The following ARHGAP35 variants were observed in gnomAD, a reference collection of about 807,000 sequenced individuals.
ARHGAP35 encodes the protein rho GTPase-activating protein 35.
Under a neutral mutation model 111.1 loss-of-function variants are expected in ARHGAP35, and 15 were observed. The observed-to-expected ratio is 0.13, with a 90% CI of 0.09 to 0.21. The LOEUF (loss-of-function observed/expected upper bound fraction) is 0.21, where lower values mean the gene tolerates loss of function less well. ARHGAP35 is among the 10% of genes least tolerant of loss of function. The pLI, the probability that ARHGAP35 is intolerant of heterozygous loss-of-function variation, is 1.00. For missense variants in ARHGAP35, 1,262 were observed against 1,873.0 expected (o/e 0.67, Z 6.02); for synonymous variants, 643 against 710.3 (o/e 0.91, Z 1.51).
At position 47,000,337 on chromosome 19, in the gene ARHGAP35, C is replaced by T; in HGVS notation, c.4149C>T (p.Ser1383=). The T allele has an allele frequency of 3.1e-6, 5 of 1,613,628 alleles. No homozygotes were observed. The highest frequency in any genetic ancestry group is 4.2e-6 in the Non-Finnish European group (5 of 1,179,716). Residue 1383 remains serine, a synonymous_variant, in exon 7 of 7, where the codon AGC becomes AGT. Transcript: ENST00000672722. The surrounding 1 kb of genome is among the most constrained non-coding windows in gnomAD (Gnocchi z 6.9). The part of the protein sequence containing the change: ...KYVISHLNKV[S]HNNKVNLMTS... ...AGTTTGGTGTCGCCCGCAGGGTCAG[C>T]CACAACAACAAGGTGAATCTCATGA...
At chr19:46,959,930 T>A (rs2056468037) in intron 3 of ARHGAP35, among the ~76,000 whole-genome samples, 2 of 150,314 alleles carry the variant, frequency 1.3e-5, no homozygotes, top group South Asian at 4.2e-4. Flanking sequence ...AGACCTTGCC[T>A]CTACAAAAAA....
intron 1 of ARHGAP35, among the ~76,000 whole-genome samples, chr19:46,900,835 C>T (rs973017516): frequency 3.9e-5 from 6 of 152,188 alleles, no homozygotes; most frequent in African/African-American, 1.4e-4. Flanking sequence ...AATGCTGTCC[C>T]CCAGATGCCC....
Position 46,884,641 on chromosome 19 carries a change from C to T in ARHGAP35, c.-189+23432C>T, listed in dbSNP as rs181388775. On this transcript the variant is annotated intron_variant, in intron 1 of 6. Coordinates refer to ENST00000672722, the MANE Select transcript of ARHGAP35 (RefSeq NM_004491.5). ...TGTCCCTAATAGCTAGGACTACAGGCATGTGCCACCATGTTGTATTTTTTT... is the reference window on the plus strand; with the variant it reads ...TGTCCCTAATAGCTAGGACTACAGGTATGTGCCACCATGTTGTATTTTTTT... Among the ~76,000 whole-genome samples the T allele has an allele frequency of 1.5e-3, 230 of 151,994 alleles. 1 individual carries two copies. The highest frequency in any genetic ancestry group is 5.3e-3 in the African/African-American group (218 of 41,472).
intron 2 of ARHGAP35, among the ~76,000 whole-genome samples, chr19:46,935,429 T>C (rs922209617): frequency 7.2e-5 from 11 of 152,176 alleles, no homozygotes; most frequent in Admixed American, 3.3e-4. Context: ...GATCTGTTCT[T>C]TTTTTTTCTT....
At chr19:46,909,655 G>A (rs1269300771) in intron 1 of ARHGAP35, among the ~76,000 whole-genome samples, 2 of 152,172 alleles carry the variant, frequency 1.3e-5, no homozygotes, top group East Asian at 3.8e-4. Context: ...GTAAGTGTAT[G>A]TAGCCTATAC....
intron 5 of ARHGAP35, among the ~76,000 whole-genome samples, chr19:46,998,369 C>T (rs2056726959): frequency 6.6e-6 from 1 of 152,170 alleles, no homozygotes; most frequent in Non-Finnish European, 1.5e-5. Context: ...GCCCTGGAGT[C>T]CACGAAGGAA....
intron 3 of ARHGAP35, among the ~76,000 whole-genome samples, chr19:46,946,228 CG>C (rs1184991396): frequency 2.6e-5 from 4 of 152,188 alleles, no homozygotes; most frequent in Non-Finnish European, 5.9e-5. Context: ...CTGGGCACTC[CG>C]TCATATATGA....
At chr19:46,977,717 TGTG>T (rs560255857) in intron 3 of ARHGAP35, among the ~76,000 whole-genome samples, 12 of 152,186 alleles carry the variant, frequency 7.9e-5, no homozygotes, top group Non-Finnish European at 1.6e-4. Flanking sequence ...GACAGTGCCT[TGTG>T]GTGATTGATT....
chr19:46,946,138 G>A lies in ARHGAP35; in HGVS notation c.3826+8730G>A, dbSNP rs961514783. 4.6e-5 allele frequency among the ~76,000 whole-genome samples: 7 copies of A among 152,366 alleles called. No homozygotes were observed. The East Asian group carries it at 1.3e-3, about 29-fold the overall frequency. ...GAATGAAAAGCTGTCTGAAGTCAAG[G>A]AAGGCCTGGCAGGTGTTCCCTCACC... is the stretch of plus-strand genomic sequence containing the variant. On this transcript the variant is annotated intron_variant, in intron 3 of 6. Coordinates refer to ENST00000672722, the MANE Select transcript of ARHGAP35 (RefSeq NM_004491.5).
At chr19:46,933,835 C>T (rs1486897720) in intron 2 of ARHGAP35, among the ~76,000 whole-genome samples, 1 of 152,156 alleles carries the variant, frequency 6.6e-6, no homozygotes, top group African/African-American at 2.4e-5. Context: ...AGAACTTATG[C>T]TAGGTTCTGG....
chr19:46,912,201 G>A (rs539786722), intron 1 of ARHGAP35, among the ~76,000 whole-genome samples: 24 of 151,796 alleles, frequency 1.6e-4, no homozygotes, highest in African/African-American at 4.1e-4. Flanking sequence ...CCACCACCAT[G>A]CCTGGCTAAT....
intron 3 of ARHGAP35, among the ~76,000 whole-genome samples, chr19:46,938,279 C>CTGAG (rs2056322057): frequency 6.6e-6 from 1 of 152,204 alleles, no homozygotes; most frequent in Admixed American, 6.5e-5. Flanking sequence ...TCGTGTGAAG[C>CTGAG]TGAGTGACAG....
chr19:46,891,440 T>G (rs957655708), intron 1 of ARHGAP35, among the ~76,000 whole-genome samples: 3 of 151,780 alleles, frequency 2.0e-5, no homozygotes, highest in African/African-American at 4.8e-5. Context: ...TTTTGTTTTT[T>G]TTTTTTAGAT....
At chr19:46,991,008 G>GGT (rs373398208) in intron 5 of ARHGAP35, among the ~76,000 whole-genome samples, 1 of 152,328 alleles carries the variant, frequency 6.6e-6, no homozygotes, top group African/African-American at 2.4e-5. Flanking sequence ...AGGAGAGCGT[G>GGT]GTACTCCTGG....
At chr19:46,905,716 A>G (rs1780332392) in intron 1 of ARHGAP35, among the ~76,000 whole-genome samples, 1 of 151,636 alleles carries the variant, frequency 6.6e-6, no homozygotes, top group Admixed American at 6.6e-5. Context: ...TGCCTGGCTA[A>G]TTTTTTTGTA....
intron 1 of ARHGAP35, among the ~76,000 whole-genome samples, chr19:46,868,942 GTCAC>G: frequency 9.4e-6 from 1 of 106,024 alleles, no homozygotes; most frequent in East Asian, 3.0e-4. Flanking sequence ...GTCTTGCTCT[GTCAC>G]TCAGGCTGGA....
intron 1 of ARHGAP35, among the ~76,000 whole-genome samples, chr19:46,885,184 A>G (rs554965739): frequency 6.6e-6 from 1 of 152,200 alleles, no homozygotes; most frequent in East Asian, 1.9e-4. Flanking sequence ...ACAACATCTC[A>G]TTCCCCTGTG....
chr19:46,929,591 CTTTTTTTTTTTTTTT>C (rs55818906), intron 2 of ARHGAP35, among the ~76,000 whole-genome samples: 22 of 93,054 alleles, frequency 2.4e-4, no homozygotes, highest in Non-Finnish European at 3.5e-4. Flanking sequence ...ACCTGTTACT[CTTTTTTTTTTTTTTT>C]TTTTTTTTTT....
At chr19:46,904,399 GCTT>G (rs796672292) in intron 1 of ARHGAP35, among the ~76,000 whole-genome samples, 4 of 152,236 alleles carry the variant, frequency 2.6e-5, no homozygotes, top group African/African-American at 9.6e-5. Flanking sequence ...CTCAGATTTT[GCTT>G]CTTCTTTATC....
Sources: gnomAD v4.1 joint callset for allele counts (sites outside exome capture counted in the v4.1 genomes callset) on GRCh38, gnomAD v4.1.1 for gene constraint, Gnocchi (gnomAD v3.1) non-coding constraint, MANE v1.5 for transcripts, NCBI Gene and HGNC (gene_info 2026-07-23, HGNC 2026-07-21) for gene names.